The following PTPRT variants were observed in gnomAD, a reference collection of about 807,000 sequenced individuals.
PTPRT encodes receptor-type tyrosine-protein phosphatase T.
In PTPRT, 56 loss-of-function variants were observed where a neutral mutation model predicts 176.8. That is an observed-to-expected ratio of 0.32 (90% CI 0.26 to 0.40). The LOEUF (loss-of-function observed/expected upper bound fraction) is 0.40. Ranked by LOEUF, PTPRT falls within the 10% of genes least tolerant of loss-of-function variation. PTPRT has a pLI of 1.00. For missense variants in PTPRT, 1,540 were observed against 1,908.2 expected, an observed-to-expected ratio of 0.81 and a Z score of 3.60; for synonymous variants, 783 against 739.0, an observed-to-expected ratio of 1.06 and a Z score of -0.96.
intron 6 of PTPRT, among the ~76,000 whole-genome samples, chr20:42,713,675 C>T (rs2076179875): frequency 6.6e-6 from 1 of 152,138 alleles, no homozygotes; most frequent in African/African-American, 2.4e-5. Flanking sequence ...AATGTAACCC[C>T]GATTGTTGGA....
At chr20:42,474,173 C>T (rs889024839) in intron 7 of PTPRT, among the ~76,000 whole-genome samples, 2 of 152,062 alleles carry the variant, frequency 1.3e-5, no homozygotes. Context: ...CCTTGAATGC[C>T]TTGTGAGTGG....
chr20:43,048,555 G>A (rs1443913313), intron 1 of PTPRT, among the ~76,000 whole-genome samples: 1 of 151,994 alleles, frequency 6.6e-6, no homozygotes, highest in East Asian at 1.9e-4. Flanking sequence ...TGTGGGCTTG[G>A]CCCCAGGCAG....
At chr20:42,043,685 A>G in the PTPRT span, among the ~76,000 whole-genome samples, 1 of 152,200 alleles carries the variant, frequency 6.6e-6, no homozygotes, top group East Asian at 1.9e-4. Flanking sequence ...TGCTCTGTTA[A>G]GCCACTAAAA....
chr20:43,075,664 T>G (rs532467156), intron 1 of PTPRT, among the ~76,000 whole-genome samples: 2 of 152,236 alleles, frequency 1.3e-5, no homozygotes, highest in Non-Finnish European at 2.9e-5. Context: ...GTTAGGCAAC[T>G]TAGACCATTC....
intron 13 of PTPRT, among the ~76,000 whole-genome samples, chr20:42,276,049 A>G (rs562261659): frequency 6.6e-6 from 1 of 152,240 alleles, no homozygotes; most frequent in East Asian, 1.9e-4. Context: ...CTCACAAGTG[A>G]TTCCCCATTA....
chr20:42,590,378 G>T (rs2073548335), intron 7 of PTPRT, among the ~76,000 whole-genome samples: 1 of 152,130 alleles, frequency 6.6e-6, no homozygotes, highest in Non-Finnish European at 1.5e-5. Context: ...TGCCACTAAG[G>T]TTCTGGTGAC....
In PTPRT at chr20:42,270,274, G is replaced by T. The variant is rs1315347564; in HGVS notation, c.2176+12215C>A. On this transcript the variant is annotated intron_variant, in intron 13 of 30. Transcript: ENST00000373187. ...TGTGTGGGTTGATGGGTGAATGGGT[G>T]GGGGGGTGGGTGGGTGGGTGGGGTG... 1.7e-4 allele frequency: 130 copies of T among 779,990 alleles called. No homozygotes were observed. The South Asian group carries it at 1.8e-3, about 11-fold the overall frequency. The allele number at this position is 779,990 out of a possible 1,614,324, so 48.3% of individuals were successfully genotyped here.
At chr20:43,088,198 A>T (rs1313533414) in intron 1 of PTPRT, among the ~76,000 whole-genome samples, 1 of 152,220 alleles carries the variant, frequency 6.6e-6, no homozygotes, top group Non-Finnish European at 1.5e-5. Context: ...GTTCAACTTG[A>T]CTGAACTGCA....
chr20:42,427,730 T>C (rs1358730821), intron 9 of PTPRT, among the ~76,000 whole-genome samples: 1 of 152,200 alleles, frequency 6.6e-6, no homozygotes. Flanking sequence ...CCAGATGGCC[T>C]GAAGTAACTG....
At chr20:42,216,222 C>A (rs1021135547) in intron 15 of PTPRT, among the ~76,000 whole-genome samples, 1 of 151,758 alleles carries the variant, frequency 6.6e-6, no homozygotes, top group Non-Finnish European at 1.5e-5. Flanking sequence ...CCATCTTAGA[C>A]CTTCAGTTGC....
chr20:42,816,068 T>C (rs1435272999), intron 2 of PTPRT, among the ~76,000 whole-genome samples: 2 of 152,216 alleles, frequency 1.3e-5, no homozygotes, highest in Non-Finnish European at 2.9e-5. Flanking sequence ...GTCTTCTTTC[T>C]TGGGCTGAAG....
chr20:42,624,068 C>G lies in PTPRT; in HGVS notation c.1153+53798G>C, dbSNP rs2074249837. ...TGAACTCAGATTCTGATTCAGCTAG[C>G]ATGAAGCCATGACTTGTACCAGGCA... On this transcript the variant is annotated intron_variant, in intron 7 of 30. Transcript: ENST00000373187. Among the ~76,000 whole-genome samples, 5 of 150,904 alleles carry G rather than the reference C, an allele frequency of 3.3e-5. No homozygotes were observed. In the South Asian group the frequency reaches 1.0e-3, roughly 31 times the overall value.
chr20:42,662,824 A>T (rs1336698847), intron 7 of PTPRT, among the ~76,000 whole-genome samples: 1 of 22,522 alleles, frequency 4.4e-5, no homozygotes, highest in East Asian at 9.0e-4. Flanking sequence ...AATGTCAATG[A>T]TTCACTAACT....
At chr20:43,176,385 G>A (rs868101727) in intron 1 of PTPRT, among the ~76,000 whole-genome samples, 70 of 152,338 alleles carry the variant, frequency 4.6e-4, no homozygotes, top group African/African-American at 1.4e-3. Flanking sequence ...CACTGCAGCC[G>A]CAAACAGACA....
At chr20:42,102,515 G>A (rs184005055) in intron 25 of PTPRT, among the ~76,000 whole-genome samples, 4 of 152,076 alleles carry the variant, frequency 2.6e-5, no homozygotes, top group Admixed American at 1.3e-4. Context: ...CCTTCAAAAC[G>A]CCAAGGCTGC....
intron 18 of PTPRT, among the ~76,000 whole-genome samples, chr20:42,135,884 C>G (rs151227148): frequency 6.6e-6 from 1 of 152,276 alleles, no homozygotes; most frequent in South Asian, 2.1e-4. Context: ...CCTCCTGGAA[C>G]GCTGAGATCC....
chr20:42,395,978 G>T (rs2058844675), intron 9 of PTPRT, among the ~76,000 whole-genome samples: 1 of 152,022 alleles, frequency 6.6e-6, no homozygotes. Context: ...CGTCTGCAAA[G>T]CTCGTGCATA....
chr20:43,048,831 G>A (rs2425568), intron 1 of PTPRT, among the ~76,000 whole-genome samples: 8 of 151,932 alleles, frequency 5.3e-5, no homozygotes, highest in Non-Finnish European at 1.0e-4. Context: ...TTGGGCCTGT[G>A]GGGGGAGAGA....
chr20:42,229,244 G>A (rs917021026), intron 15 of PTPRT, among the ~76,000 whole-genome samples: 4 of 152,306 alleles, frequency 2.6e-5, no homozygotes, highest in Admixed American at 6.5e-5. Context: ...GAGCAGATCT[G>A]GGGGGTGAGG....
Sources: allele counts gnomAD v4.1 joint callset (sites outside exome capture counted in the v4.1 genomes callset), GRCh38; gene constraint gnomAD v4.1.1; transcripts MANE v1.5; gene names NCBI Gene and HGNC (gene_info 2026-07-23, HGNC 2026-07-21).